MRGPRX3: variants seen among roughly 807,000 people sequenced by gnomAD.
The protein encoded by MRGPRX3 is mas-related G protein-coupled receptor member X3.
In MRGPRX3, 14 loss-of-function variants were observed where a neutral mutation model predicts 16.5. The observed-to-expected ratio is 0.85, with a 90% CI of 0.56 to 1.33. MRGPRX3 has a LOEUF of 1.33. MRGPRX3 is among the 40% of genes most tolerant of loss of function. The pLI is 0.00. For missense variants in MRGPRX3, 449 were observed against 413.0 expected (o/e 1.09, Z -0.76); for synonymous variants, 199 against 180.1 (o/e 1.10, Z -0.84).
chr11:18,135,498 C>T (rs1168926297), intron 1 of MRGPRX3, among the ~76,000 whole-genome samples: 27 of 152,216 alleles, frequency 1.8e-4, no homozygotes, highest in Admixed American at 1.8e-3. Context: ...GATGCATCTT[C>T]TTTCCACCTG....
intron 1 of MRGPRX3, among the ~76,000 whole-genome samples, chr11:18,121,871 T>G (rs573015090): frequency 3.6e-4 from 55 of 152,006 alleles, no homozygotes; most frequent in African/African-American, 5.6e-4. Flanking sequence ...GCGGAAGGCC[T>G]CAGGGTCCTC....
upstream of MRGPRX3, among the ~76,000 whole-genome samples, chr11:18,128,351 G>A (rs1440914582): frequency 2.0e-5 from 3 of 152,224 alleles, no homozygotes; most frequent in Admixed American, 6.5e-5. Flanking sequence ...GCTGCCTTTT[G>A]TTTGGCTATG....
At chr11:18,126,477 C>G (rs929428466) in intron 1 of MRGPRX3, among the ~76,000 whole-genome samples, 2 of 152,052 alleles carry the variant, frequency 1.3e-5, no homozygotes, top group Admixed American at 1.3e-4. Flanking sequence ...ATATGAAATT[C>G]GGGGTTGAAA....
At chr11:18,136,488 CTAAT>C (rs1165059367) in intron 1 of MRGPRX3, among the ~76,000 whole-genome samples, 2 of 152,206 alleles carry the variant, frequency 1.3e-5, no homozygotes, top group Non-Finnish European at 2.9e-5. Context: ...TTTTCTTCAT[CTAAT>C]TATATGTGTG....
rs372436057 is a variant in MRGPRX3, at chr11:18,137,831, C to T, written c.629C>T (p.Pro210Leu). Residue 210 changes from proline to leucine, a missense_variant, in exon 2 of 2, where the codon CCG becomes CTG. Coordinates refer to ENST00000621697, the MANE Select transcript of MRGPRX3 (RefSeq NM_001370464.1). ...ATTCTCTGTGGATCCCGGAAGATGC[C>T]GCTGACCAGGCTGTACGTGACCATC... The part of the protein sequence containing the change: ...VRILCGSRKM[P>L]LTRLYVTILL... 28 of 1,614,154 alleles carry T rather than the reference C, an allele frequency of 1.7e-5. No homozygotes were observed. The highest frequency in any genetic ancestry group is 4.5e-5 in the East Asian group (2 of 44,882).
upstream of MRGPRX3, among the ~76,000 whole-genome samples, chr11:18,127,582 A>G (rs60736376): frequency 6.6e-6 from 1 of 152,078 alleles, no homozygotes; most frequent in African/African-American, 2.4e-5. Flanking sequence ...AGGCTTGTGC[A>G]TTCATCATGT....
At chr11:18,129,447 T>A (rs998738820), upstream of MRGPRX3, among the ~76,000 whole-genome samples, 15 of 152,186 alleles carry the variant, frequency 9.9e-5, no homozygotes, top group African/African-American at 3.6e-4. Context: ...AGGTTATGCA[T>A]AAATTCCTGG....
At chr11:18,132,077 T>C (rs1848966001), upstream of MRGPRX3, among the ~76,000 whole-genome samples, 1 of 152,148 alleles carries the variant, frequency 6.6e-6, no homozygotes, top group African/African-American at 2.4e-5. Flanking sequence ...TAATAATAAA[T>C]GATTTAATTT....
upstream of MRGPRX3, among the ~76,000 whole-genome samples, chr11:18,128,670 G>A (rs1008390151): frequency 1.3e-5 from 2 of 152,188 alleles, no homozygotes; most frequent in African/African-American, 2.4e-5. Flanking sequence ...TCCAGGTGCC[G>A]TCTGTCACTC....
At chr11:18,129,647 A>G (rs747950038), upstream of MRGPRX3, among the ~76,000 whole-genome samples, 6 of 152,226 alleles carry the variant, frequency 3.9e-5, no homozygotes, top group Non-Finnish European at 7.3e-5. Flanking sequence ...AAGCTATTCC[A>G]TAAAGAAAGA....
upstream of MRGPRX3, among the ~76,000 whole-genome samples, chr11:18,128,913 A>G (rs1224961227): frequency 6.6e-6 from 1 of 152,186 alleles, no homozygotes; most frequent in Non-Finnish European, 1.5e-5. Context: ...CTATTTGGCC[A>G]TCTTGGCTCC....
At chr11:18,136,338 G>T (rs1849007372) in intron 1 of MRGPRX3, among the ~76,000 whole-genome samples, 1 of 152,120 alleles carries the variant, frequency 6.6e-6, no homozygotes. Flanking sequence ...TGTACAAAAT[G>T]CTTCTAGGGG....
At chr11:18,132,484 G>A (rs1467909106), upstream of MRGPRX3, 2 of 152,226 alleles carry the variant, frequency 1.3e-5, no homozygotes, top group Non-Finnish European at 1.5e-5. Flanking sequence ...CAGAGGCCAA[G>A]AATCATCTCA....
intron 1 of MRGPRX3, among the ~76,000 whole-genome samples, chr11:18,121,599 C>T (rs2134077620): frequency 6.6e-6 from 1 of 152,316 alleles, no homozygotes; most frequent in Middle Eastern, 3.4e-3. Flanking sequence ...CGGATGGTTG[C>T]CGTGTCTGTG....
chr11:18,122,352 G>T (rs1848848790), intron 1 of MRGPRX3, among the ~76,000 whole-genome samples: 1 of 151,576 alleles, frequency 6.6e-6, no homozygotes, highest in Admixed American at 6.6e-5. Flanking sequence ...TCCCTCCCAC[G>T]ACAGGCCCCA....
intron 1 of MRGPRX3, among the ~76,000 whole-genome samples, chr11:18,125,829 C>T (rs1326538751): frequency 6.6e-6 from 1 of 152,124 alleles, no homozygotes; most frequent in African/African-American, 2.4e-5. Context: ...GTCTAAGTCT[C>T]TTTGTAGGTC....
In MRGPRX3 at chr11:18,138,054, G is replaced by T. The variant is rs781300336; in HGVS notation, c.852G>T (p.Arg284Ser). Residue 284 changes from arginine to serine, a missense_variant, in exon 2 of 2, where the codon AGG becomes AGT. By Grantham distance (110) the Arg-to-Ser change is moderately radical. Coordinates refer to ENST00000621697, the MANE Select transcript of MRGPRX3 (RefSeq NM_001370464.1). Reference sequence around the variant, plus strand: ...GCTCCTTTAGGCAGCGTCAAAATAGGCAGAACCTGAAGCTGGTTCTCCAGA... The same window carrying T: ...GCTCCTTTAGGCAGCGTCAAAATAGTCAGAACCTGAAGCTGGTTCTCCAGA... ...FVGSFRQRQN[R>S]QNLKLVLQRA... 1 of 1,614,112 alleles carries T rather than the reference G, an allele frequency of 6.2e-7. No homozygotes were observed. The highest frequency in any genetic ancestry group is 8.5e-7 in the Non-Finnish European group (1 of 1,180,012).
At chr11:18,133,628 C>T (rs375201590) in intron 1 of MRGPRX3, among the ~76,000 whole-genome samples, 6 of 152,170 alleles carry the variant, frequency 3.9e-5, no homozygotes, top group African/African-American at 1.4e-4. Context: ...ATGTGAGACG[C>T]CTCGCTCCCC....
At chr11:18,130,366 G>C (rs1170840438), upstream of MRGPRX3, among the ~76,000 whole-genome samples, 1 of 152,256 alleles carries the variant, frequency 6.6e-6, no homozygotes, top group Non-Finnish European at 1.5e-5. Flanking sequence ...CAAATCAGTA[G>C]CACTGCTATA....
Sources: gnomAD v4.1 joint callset for allele counts (sites outside exome capture counted in the v4.1 genomes callset) on GRCh38, gnomAD v4.1.1 for gene constraint, MANE v1.5 for transcripts, NCBI Gene and HGNC (gene_info 2026-07-23, HGNC 2026-07-21) for gene names.